The following CHD2 variants were observed in gnomAD, a reference collection of about 807,000 sequenced individuals.
CHD2 encodes chromodomain helicase DNA binding protein 2.
A neutral mutation model predicts 243.9 loss-of-function variants in CHD2; 28 were observed. That is an observed-to-expected ratio of 0.11 (90% confidence interval 0.09 to 0.16). The LOEUF (loss-of-function observed/expected upper bound fraction) is 0.16, where lower values mean the gene tolerates loss of function less well. Ranked by LOEUF, CHD2 falls within the 10% of genes least tolerant of loss-of-function variation. The pLI is 1.00. For synonymous variants in CHD2, 775 were observed against 779.0 expected, an observed-to-expected ratio of 0.99 and a Z score of 0.09; for missense variants, 1,386 against 2,209.8, an observed-to-expected ratio of 0.63 and a Z score of 7.47.
At chr15:92,951,181 GT>G (rs910468795) in intron 13 of CHD2, among the ~76,000 whole-genome samples, 4 of 151,790 alleles carry the variant, frequency 2.6e-5, no homozygotes, top group African/African-American at 9.7e-5. Context: ...TTATTTTTTA[GT>G]TTTTTTGAGA....
chr15:93,010,024 C>G (rs953982393), intron 35 of CHD2, among the ~76,000 whole-genome samples: 7 of 152,280 alleles, frequency 4.6e-5, no homozygotes, highest in African/African-American at 1.7e-4. Context: ...TTCTATCCCT[C>G]AGCCCCCTTC....
intron 2 of CHD2, among the ~76,000 whole-genome samples, chr15:92,907,159 C>T (rs2052639082): frequency 6.6e-6 from 1 of 152,094 alleles, no homozygotes. Flanking sequence ...AAAAAAAGCT[C>T]CTATATACTG....
intron 9 of CHD2, chr15:92,943,612 C>G (rs1241634681): frequency 6.3e-6 from 1 of 159,588 alleles, no homozygotes; most frequent in Non-Finnish European, 1.4e-5. Context: ...TGTGATAGTC[C>G]TCGTGTGTTT....
At chr15:93,024,090 T>G (rs924026315) in intron 38 of CHD2, among the ~76,000 whole-genome samples, 3 of 152,264 alleles carry the variant, frequency 2.0e-5, no homozygotes, top group African/African-American at 7.2e-5. Flanking sequence ...ATGGTAATGT[T>G]TATGGATCTT....
At chr15:92,918,079 A>G (rs2052877440) in intron 2 of CHD2, among the ~76,000 whole-genome samples, 1 of 152,166 alleles carries the variant, frequency 6.6e-6, no homozygotes, top group South Asian at 2.1e-4. Context: ...CGGGGCTCCC[A>G]CAGGCTGGCT....
intron 2 of CHD2, among the ~76,000 whole-genome samples, chr15:92,921,907 C>T (rs1014070745): frequency 1.3e-5 from 2 of 152,192 alleles, no homozygotes; most frequent in African/African-American, 4.8e-5. Flanking sequence ...TCCAGCTCTC[C>T]TCTTCCTTTT....
At chr15:92,924,669 T>C in intron 3 of CHD2, 117 bp downstream of exon 3, 1 of 800,724 alleles carries the variant, frequency 1.2e-6, no homozygotes, top group Admixed American at 2.1e-5. Flanking sequence ...AGCCATTTTT[T>C]CTAGTAATAT....
intron 17 of CHD2, among the ~76,000 whole-genome samples, chr15:92,967,731 G>A (rs748812533): frequency 3.6e-4 from 54 of 151,692 alleles, no homozygotes; most frequent in African/African-American, 1.3e-3. Flanking sequence ...ATTTTTCCAT[G>A]TTGGTCAGGC....
At chr15:92,933,034 G>A (rs1358033946) in intron 5 of CHD2, among the ~76,000 whole-genome samples, 2 of 97,784 alleles carry the variant, frequency 2.0e-5, no homozygotes, top group East Asian at 6.1e-4. Context: ...GAGCCACCGC[G>A]CCCGGCCCCT....
chr15:92,911,519 C>T lies in CHD2; in HGVS notation c.62+10220C>T, dbSNP rs141713778. On this transcript the variant is annotated intron_variant, in intron 2 of 38. Coordinates refer to ENST00000394196, the MANE Select transcript of CHD2 (RefSeq NM_001271.4). Reference sequence around the variant, plus strand: ...TTCGGAGGCTGAGGCTGGCAGATCACTTGAGGCCAGGAGTTCGAGACCAGC... The same window carrying T: ...TTCGGAGGCTGAGGCTGGCAGATCATTTGAGGCCAGGAGTTCGAGACCAGC... Among the ~76,000 whole-genome samples, 1,037 of 152,270 alleles carry T rather than the reference C, an allele frequency of 6.8e-3. 4 individuals are homozygous for T. The highest frequency in any genetic ancestry group is 0.014 in the Middle Eastern group (4 of 294).
At chr15:92,908,003 ATTTT>A (rs71877681) in intron 2 of CHD2, among the ~76,000 whole-genome samples, 5 of 107,638 alleles carry the variant, frequency 4.6e-5, no homozygotes, top group African/African-American at 3.6e-5. Context: ...CTCTCTTAGA[ATTTT>A]TTTTTTTTTT....
At chr15:92,995,190 A>G (rs2054171688) in intron 28 of CHD2, among the ~76,000 whole-genome samples, 2 of 152,224 alleles carry the variant, frequency 1.3e-5, no homozygotes, top group African/African-American at 4.8e-5. Context: ...TAAATTATTC[A>G]AAGTTATTCC....
intron 2 of CHD2, chr15:92,914,909 G>A (rs2052805832): frequency 6.6e-6 from 1 of 152,144 alleles, no homozygotes; most frequent in Non-Finnish European, 1.5e-5. Context: ...GGTTACTTGA[G>A]GTTATTTTCC....
At chr15:92,979,535 A>T (rs997689657) in intron 22 of CHD2, among the ~76,000 whole-genome samples, 1 of 151,906 alleles carries the variant, frequency 6.6e-6, no homozygotes, top group Non-Finnish European at 1.5e-5. Flanking sequence ...CTCATGTGAC[A>T]TATGACACAG....
At chr15:92,942,573 T>C (rs1442697928) in intron 8 of CHD2, among the ~76,000 whole-genome samples, 1 of 152,018 alleles carries the variant, frequency 6.6e-6, no homozygotes, top group Non-Finnish European at 1.5e-5. Context: ...AAAAGGATGT[T>C]GCTGCTCTGT....
intron 2 of CHD2, among the ~76,000 whole-genome samples, chr15:92,920,262 T>C (rs1346345905): frequency 2.0e-5 from 3 of 152,180 alleles, no homozygotes; most frequent in Non-Finnish European, 4.4e-5. Context: ...AAGAAAGATA[T>C]TTATGGTTAC....
At chr15:92,999,319 C>T (rs1030239196) in intron 31 of CHD2, among the ~76,000 whole-genome samples, 3 of 152,134 alleles carry the variant, frequency 2.0e-5, no homozygotes, top group Non-Finnish European at 2.9e-5. Flanking sequence ...CTGTCTGTCT[C>T]TGTGGTTCTT....
At chr15:92,980,473 C>T (rs554240695) in intron 22 of CHD2, among the ~76,000 whole-genome samples, 6 of 152,072 alleles carry the variant, frequency 3.9e-5, no homozygotes, top group African/African-American at 9.6e-5. Context: ...TATTTTGGAC[C>T]GGGGTTGAGA....
In CHD2 at chr15:92,989,520, T is replaced by C. The variant is rs189370716; in HGVS notation, c.3414-1956T>C. Among the ~76,000 whole-genome samples the C allele has an allele frequency of 2.6e-3, 397 of 152,342 alleles. 1 individual carries two copies. The highest frequency in any genetic ancestry group is 6.6e-3 in the African/African-American group (273 of 41,580). The stretch of plus-strand genomic sequence containing the variant: ...GAAGTCTGTATTCTTTGTCATGTTA[T>C]GTGATCCTTGTCATGCTATGTGTAG... On this transcript the variant is annotated intron_variant, in intron 26 of 38. Transcript: ENST00000394196.
Sources: allele counts gnomAD v4.1 joint callset (sites outside exome capture counted in the v4.1 genomes callset), GRCh38; gene constraint gnomAD v4.1.1; transcripts MANE v1.5; gene names NCBI Gene and HGNC (gene_info 2026-07-23, HGNC 2026-07-21).